The following MYOM2 variants were observed in gnomAD, a reference collection of about 807,000 sequenced individuals.
MYOM2 encodes the protein myomesin-2.
MYOM2 carries 254 observed loss-of-function variants against 187.6 expected under a neutral mutation model. The ratio of observed to expected loss-of-function variants is 1.35; its 90% CI spans 1.22 to 1.50. The LOEUF is 1.50. MYOM2 is among the 40% of genes most tolerant of loss of function. The pLI, the probability that MYOM2 is intolerant of heterozygous loss-of-function variation, is 0.00. For missense variants in MYOM2, 2,796 were observed against 1,924.0 expected (o/e 1.45, Z -8.48); for synonymous variants, 981 against 753.8 (o/e 1.30, Z -4.94).
chr8:2,124,578 C>A (rs991487097), intron 31 of MYOM2, among the ~76,000 whole-genome samples: 5 of 152,186 alleles, frequency 3.3e-5, no homozygotes, highest in African/African-American at 9.7e-5. Flanking sequence ...CACTTTGCGT[C>A]GTACACATTA....
intron 25 of MYOM2, among the ~76,000 whole-genome samples, chr8:2,112,924 G>C (rs1268183897): frequency 1.3e-5 from 2 of 152,236 alleles, no homozygotes; most frequent in African/African-American, 2.4e-5. Flanking sequence ...CGCTACGCCT[G>C]CCTCATTTGC....
At chr8:2,101,415 C>T (rs1006472155) in intron 20 of MYOM2, among the ~76,000 whole-genome samples, 5 of 152,304 alleles carry the variant, frequency 3.3e-5, no homozygotes, top group African/African-American at 1.2e-4. Flanking sequence ...GTAAGTCTTT[C>T]GTCTTGGCGT....
chr8:2,081,165 G>T (rs1361897249), intron 13 of MYOM2, among the ~76,000 whole-genome samples: 1 of 109,062 alleles, frequency 9.2e-6, no homozygotes, highest in Non-Finnish European at 1.9e-5. Flanking sequence ...GTAGAATGAG[G>T]TTTGGTTCTG....
At chr8:2,089,623 GA>G (rs1381092323) in intron 14 of MYOM2, among the ~76,000 whole-genome samples, 2 of 152,132 alleles carry the variant, frequency 1.3e-5, no homozygotes, top group African/African-American at 4.8e-5. Flanking sequence ...ACTTTAAATT[GA>G]AATGCGAACC....
intron 31 of MYOM2, among the ~76,000 whole-genome samples, chr8:2,128,490 C>A (rs1797734626): frequency 6.6e-6 from 1 of 152,222 alleles, no homozygotes; most frequent in Non-Finnish European, 1.5e-5. Context: ...CAGTTCAGAG[C>A]TTCTGCCTTC....
At chr8:2,140,313 C>G (rs910658521) in intron 32 of MYOM2, among the ~76,000 whole-genome samples, 1 of 125,230 alleles carries the variant, frequency 8.0e-6, no homozygotes, top group East Asian at 2.8e-4. Context: ...CCCACCGGGG[C>G]GGTCGTGAAC....
chr8:2,060,281 T>C (rs570647045), intron 6 of MYOM2, among the ~76,000 whole-genome samples: 10 of 152,300 alleles, frequency 6.6e-5, no homozygotes, highest in African/African-American at 1.9e-4. Context: ...ACATTTACCA[T>C]GTGACTTTGA....
rs938966264 is a variant in MYOM2, at chr8:2,139,132, G to T, written c.3801-1591G>T. ...ACCAGAGACCGGGACGCAGAGCCAA[G>T]CATTTATTTTTACATATATACTTTT... On this transcript the variant is annotated intron_variant, in intron 32 of 36. Transcript: ENST00000262113. 2.0e-5 allele frequency among the ~76,000 whole-genome samples: 3 copies of T among 151,948 alleles called. No homozygotes were observed. The South Asian group carries it at 6.3e-4, about 32-fold the overall frequency.
intron 19 of MYOM2, among the ~76,000 whole-genome samples, chr8:2,099,680 G>A (rs1179422947): frequency 6.6e-6 from 1 of 152,176 alleles, no homozygotes; most frequent in Non-Finnish European, 1.5e-5. Flanking sequence ...TCAGCCTTAT[G>A]AGTAGCTGGG....
chr8:2,073,438 A>G lies in MYOM2; in HGVS notation c.1058A>G (p.Tyr353Cys), dbSNP rs140464662. ...SHLHKDDEGL[Y>C]TLRIVSRGGV... ...CTGCACAAGGACGACGAGGGCCTGTACACCCTGCGCATCGTGTCTCGGGGC... is the reference window on the plus strand; with the variant it reads ...CTGCACAAGGACGACGAGGGCCTGTGCACCCTGCGCATCGTGTCTCGGGGC... Residue 353 changes from tyrosine (Y) to cysteine (C), a missense_variant, in exon 10 of 37, where the codon TAC becomes TGC. Transcript: ENST00000262113. 1.2e-6 allele frequency: 2 copies of G among 1,612,436 alleles called. No individual in the cohort carries two copies. The highest frequency in any genetic ancestry group is 2.7e-5 in the African/African-American group (2 of 74,876).
At chr8:2,143,316 T>C (rs1471313613) in intron 35 of MYOM2, 85 bp from the exon 36 acceptor site, 4 of 1,464,706 alleles carry the variant, frequency 2.7e-6, no homozygotes, top group Non-Finnish European at 3.8e-6. Context: ...ACATTCACCT[T>C]GGTACCCACT....
Position 2,096,379 on chromosome 8 carries a change from A to T in MYOM2, c.2258A>T (p.His753Leu). 1 of 1,614,222 alleles carries T rather than the reference A, an allele frequency of 6.2e-7. No homozygotes were observed. Among genetic ancestry groups the T allele is most frequent in the Non-Finnish European group, 8.5e-7 (1 of 1,180,048 alleles). The change falls in exon 18 of 37, where the codon CAC becomes CTC. Residue 753 changes from histidine (H) to leucine (L), a missense_variant. Transcript: ENST00000262113. Reference sequence around the variant, plus strand: ...TACTACCTGGACAAGCGTGAAGTTCACCATAAAAACTGGCACGAGGTCAAT... The same window carrying T: ...TACTACCTGGACAAGCGTGAAGTTCTCCATAAAAACTGGCACGAGGTCAAT... ...LGYYLDKREV[H>L]HKNWHEVNSS...
chr8:2,124,291 G>T, intron 31 of MYOM2, 74 bp downstream of exon 31: 1 of 1,451,442 alleles, frequency 6.9e-7, no homozygotes, highest in Non-Finnish European at 9.6e-7. Flanking sequence ...GGAAGTCACT[G>T]CTGCAAAAGA....
At chr8:2,102,553 A>AACTCATTAAGTATCATTTTCCTC in intron 20 of MYOM2, 114 bp from the exon 21 acceptor site, 3 of 579,900 alleles carry the variant, frequency 5.2e-6, no homozygotes, top group Non-Finnish European at 6.1e-6. Context: ...TCATTTTCCT[A>AACTCATTAAGTATCATTTTCCTC]ACTGGAAAAA....
chr8:2,069,444 C>G lies in MYOM2; in HGVS notation c.743-3C>G. On this transcript the variant is annotated splice_region_variant and splice_polypyrimidine_tract_variant and intron_variant, in intron 7 of 36. Coordinates refer to ENST00000262113, the MANE Select transcript of MYOM2 (RefSeq NM_003970.4). The stretch of plus-strand genomic sequence containing the variant: ...CTGCTGCACTCACTTTGCTGTCTTG[C>G]AGGGTTCCGGGGAGACGAGGAACCA... 6.2e-7 allele frequency: 1 copy of G among 1,614,194 alleles called. No homozygotes were observed. The highest frequency in any genetic ancestry group is 1.1e-5 in the South Asian group (1 of 91,070).
intron 32 of MYOM2, among the ~76,000 whole-genome samples, chr8:2,134,602 G>T (rs1375137254): frequency 2.2e-5 from 3 of 136,118 alleles, no homozygotes; most frequent in Non-Finnish European, 4.6e-5. Flanking sequence ...TTTTACATTT[G>T]TTCTGCTGGG....
intron 15 of MYOM2, 107 bp from the exon 16 acceptor site, chr8:2,092,238 GC>G (rs1387777643): frequency 7.5e-7 from 1 of 1,328,974 alleles, no homozygotes; most frequent in Admixed American, 2.1e-5. Context: ...TTCTTCCAAA[GC>G]CCCCAGTCTG....
chr8:2,126,184 G>T (rs4876221), intron 31 of MYOM2, among the ~76,000 whole-genome samples: 1 of 152,010 alleles, frequency 6.6e-6, no homozygotes, highest in Non-Finnish European at 1.5e-5. Context: ...GAGATGCAGC[G>T]GCTGAGGGGA....
chr8:2,093,995 G>A lies in MYOM2; in HGVS notation c.2029G>A (p.Gly677Arg). Reference protein sequence around the residue: ...NRFVVHGLTTGEQYIFRVKAV... With the variant: ...NRFVVHGLTTREQYIFRVKAV... The stretch of plus-strand genomic sequence containing the variant: ...GTTCGTGGTGCACGGCTTAACCACG[G>A]GAGAGCAGTACATCTTCCGAGTCAA... Residue 677 changes from glycine to arginine, a missense_variant, in exon 17 of 37, where the codon GGA becomes AGA. Coordinates refer to ENST00000262113, the MANE Select transcript of MYOM2 (RefSeq NM_003970.4). 6.2e-7 allele frequency: 1 copy of A among 1,614,170 alleles called. No homozygotes were observed. The highest frequency in any genetic ancestry group is 8.5e-7 in the Non-Finnish European group (1 of 1,180,036).
Sources: gnomAD v4.1 joint callset for allele counts (sites outside exome capture counted in the v4.1 genomes callset) on GRCh38, gnomAD v4.1.1 for gene constraint, MANE v1.5 for transcripts, NCBI Gene and HGNC (gene_info 2026-07-23, HGNC 2026-07-21) for gene names.